CSMD1: variants seen among roughly 807,000 people sequenced by gnomAD.
CSMD1 encodes CUB and sushi domain-containing protein 1.
In CSMD1, 213 loss-of-function variants were observed where a neutral mutation model predicts 417.5. The ratio of observed to expected loss-of-function variants is 0.51; its 90% CI spans 0.46 to 0.57. The LOEUF (loss-of-function observed/expected upper bound fraction) is 0.57. Among genes scored for constraint, CSMD1 ranks in the 20% least tolerant of loss-of-function variants. CSMD1 has a pLI of 0.00. For synonymous variants in CSMD1, 2,862 were observed against 1,736.8 expected (o/e 1.65, Z -16.11); for missense variants, 6,923 against 4,529.7 (o/e 1.53, Z -15.17).
At chr8:4,456,754 C>T (rs1002603769) in intron 2 of CSMD1, among the ~76,000 whole-genome samples, 1 of 152,012 alleles carries the variant, frequency 6.6e-6, no homozygotes, top group South Asian at 2.1e-4. Flanking sequence ...GTTGCTAGAT[C>T]CTAGGGAGAA....
intron 50 of CSMD1, among the ~76,000 whole-genome samples, chr8:3,047,568 T>G (rs1226418673): frequency 2.6e-5 from 4 of 152,224 alleles, no homozygotes; most frequent in African/African-American, 9.6e-5. Flanking sequence ...CCCATGGAAC[T>G]CACCATCTCA....
chr8:3,781,224 G>A (rs1799163839), intron 5 of CSMD1, among the ~76,000 whole-genome samples: 2 of 152,234 alleles, frequency 1.3e-5, no homozygotes, highest in South Asian at 2.1e-4. Context: ...TTAAAAAATT[G>A]CACCTGTTCA....
chr8:4,201,738 G>T (rs1197785886), intron 3 of CSMD1, among the ~76,000 whole-genome samples: 2 of 152,004 alleles, frequency 1.3e-5, no homozygotes, highest in Admixed American at 6.6e-5. Flanking sequence ...AAAACATGAT[G>T]ATTGGATACA....
intron 1 of CSMD1, among the ~76,000 whole-genome samples, chr8:4,789,893 T>C (rs529549178): frequency 6.6e-5 from 10 of 152,320 alleles, no homozygotes; most frequent in African/African-American, 2.2e-4. Flanking sequence ...GCCTAAGTAA[T>C]AGAATTTAGT....
At chr8:4,709,731 C>G (rs578234205) in intron 1 of CSMD1, among the ~76,000 whole-genome samples, 1 of 152,164 alleles carries the variant, frequency 6.6e-6, no homozygotes. Flanking sequence ...AGCAGGAAGG[C>G]TGGGTGCAGG....
intron 3 of CSMD1, among the ~76,000 whole-genome samples, chr8:4,142,415 T>C (rs1803845277): frequency 6.6e-6 from 1 of 151,084 alleles, no homozygotes; most frequent in East Asian, 1.9e-4. Context: ...TCAATATTTC[T>C]GCCTGCTACC....
At chr8:4,588,778 C>T (rs1043311418) in intron 2 of CSMD1, among the ~76,000 whole-genome samples, 2 of 78,660 alleles carry the variant, frequency 2.5e-5, no homozygotes, top group East Asian at 3.0e-4. Context: ...AGCAAGACTC[C>T]GACACACACA....
chr8:3,727,443 A>G (rs1216134821), intron 6 of CSMD1, among the ~76,000 whole-genome samples: 2 of 152,172 alleles, frequency 1.3e-5, no homozygotes, highest in Non-Finnish European at 2.9e-5. Context: ...ATATTCTAAC[A>G]TGAGGGTGAC....
At chr8:3,702,111 C>T (rs187469092) in intron 7 of CSMD1, 2 of 152,018 alleles carry the variant, frequency 1.3e-5, no homozygotes, top group African/African-American at 4.8e-5. Flanking sequence ...TTATTTTTCC[C>T]AGGGGCATAA....
At chr8:4,024,776 C>T (rs66819405) in intron 4 of CSMD1, among the ~76,000 whole-genome samples, 13,844 of 152,200 alleles carry the variant, frequency 0.091, 671 homozygotes, top group Middle Eastern at 0.12. Flanking sequence ...CATAAACATA[C>T]GTAGTTTATG....
chr8:4,912,358 GC>G (rs1805748059), intron 1 of CSMD1, among the ~76,000 whole-genome samples: 1 of 27,818 alleles, frequency 3.6e-5, no homozygotes. Context: ...ATCATTTTCT[GC>G]TTTTTTTTTT....
At chr8:4,413,823 A>T (rs1300181335) in intron 3 of CSMD1, among the ~76,000 whole-genome samples, 1 of 152,112 alleles carries the variant, frequency 6.6e-6, no homozygotes, top group Non-Finnish European at 1.5e-5. Flanking sequence ...TAAGGTGAGG[A>T]CCCTACTTCT....
At chr8:4,109,640 G>A (rs1563135421) in intron 3 of CSMD1, among the ~76,000 whole-genome samples, 1 of 152,096 alleles carries the variant, frequency 6.6e-6, no homozygotes, top group African/African-American at 2.4e-5. Context: ...CAACATCATT[G>A]GCAACCTTGT....
chr8:4,333,404 T>A (rs1226945146), intron 3 of CSMD1, among the ~76,000 whole-genome samples: 1 of 152,060 alleles, frequency 6.6e-6, no homozygotes. Flanking sequence ...TGAATTTCTG[T>A]CTCCTCAACT....
At chr8:4,162,261 G>A (rs548155720) in intron 3 of CSMD1, among the ~76,000 whole-genome samples, 45 of 152,288 alleles carry the variant, frequency 3.0e-4, no homozygotes, top group African/African-American at 1.0e-3. Context: ...GCAATAAAAT[G>A]TAGCAGATTT....
At chr8:3,307,895 C>T (rs901377204) in intron 24 of CSMD1, 74 bp from the exon 25 acceptor site, 3 of 1,530,720 alleles carry the variant, frequency 2.0e-6, no homozygotes, top group Admixed American at 3.9e-5. Context: ...CTTTTCAAAA[C>T]CAAAGCCATT....
intron 26 of CSMD1, among the ~76,000 whole-genome samples, chr8:3,274,388 A>G (rs1210892095): frequency 2.0e-5 from 3 of 152,076 alleles, no homozygotes; most frequent in Non-Finnish European, 2.9e-5. Flanking sequence ...GTGGTGCTGA[A>G]AAAAATGTAT....
At chr8:4,191,212 T>A (rs1286226484) in intron 3 of CSMD1, among the ~76,000 whole-genome samples, 2 of 152,048 alleles carry the variant, frequency 1.3e-5, no homozygotes, top group Non-Finnish European at 2.9e-5. Context: ...CCGGCTAACA[T>A]GGTGAAACCC....
chr8:4,353,963 A>C lies in CSMD1; in HGVS notation c.415+65990T>G, dbSNP rs146285987. On this transcript the variant is annotated intron_variant, in intron 3 of 69. Coordinates refer to ENST00000635120, the MANE Select transcript of CSMD1 (RefSeq NM_033225.6). ...TAGGGAACTTCATCAGCCCTCTATG[A>C]TGATATATTGTTTCACTTTTTCCTA... Among the ~76,000 whole-genome samples the C allele has an allele frequency of 3.2e-4, 48 of 152,216 alleles. No individual in the cohort carries two copies. The East Asian group carries it at 7.7e-3, about 24-fold the overall frequency.
Sources: gnomAD v4.1 joint callset for allele counts (sites outside exome capture counted in the v4.1 genomes callset) on GRCh38, gnomAD v4.1.1 for gene constraint, MANE v1.5 for transcripts, NCBI Gene and HGNC (gene_info 2026-07-23, HGNC 2026-07-21) for gene names.